Variants in ST8SIA2 observed in about 807,000 individuals in gnomAD.
The protein encoded by ST8SIA2 is ST8 alpha-N-acetyl-neuraminide alpha-2,8-sialyltransferase 2, also known as alpha-2,8-sialyltransferase 8B.
ST8SIA2 carries 22 observed loss-of-function variants against 37.6 expected under a neutral mutation model. The ratio of observed to expected loss-of-function variants is 0.58; its 90% CI spans 0.42 to 0.83. The LOEUF is 0.83. Among genes scored for constraint, ST8SIA2 ranks in the 40% least tolerant of loss-of-function variants. The probability of loss-of-function intolerance (pLI) is 0.00; values close to 1 mark genes in which losing one functional copy is unlikely to be tolerated. For missense variants in ST8SIA2, 382 were observed against 484.7 expected (o/e 0.79, Z 1.99); for synonymous variants, 205 against 201.2 (o/e 1.02, Z -0.16).
At chr15:92,438,993 T>C (rs1004134898) in intron 4 of ST8SIA2, among the ~76,000 whole-genome samples, 1 of 152,206 alleles carries the variant, frequency 6.6e-6, no homozygotes, top group Admixed American at 6.5e-5. Flanking sequence ...TTGATGGCTG[T>C]TGTCTCACTA....
At chr15:92,421,776 G>A (rs1382991692) in intron 1 of ST8SIA2, among the ~76,000 whole-genome samples, 1 of 152,200 alleles carries the variant, frequency 6.6e-6, no homozygotes, top group Non-Finnish European at 1.5e-5. Context: ...ACATTCTGGT[G>A]TGTTCACAAG....
rs1019265492 is a variant in ST8SIA2 at position 92,439,204 on chromosome 15, T to C, written c.548+594T>C. ...GGGCTGGCCAGTTGTTGGTTCAAGT[T>C]TGCAAAACTCTTTGTAAGTGTCTTG... On this transcript the variant is annotated intron_variant, in intron 4 of 5. Coordinates refer to ENST00000268164, the MANE Select transcript of ST8SIA2 (RefSeq NM_006011.4). Among the ~76,000 whole-genome samples, 25 of 92,070 alleles carry C rather than the reference T, an allele frequency of 2.7e-4. 1 individual carries two copies. The highest frequency in any genetic ancestry group is 1.1e-4 in the Admixed American group (1 of 9,518). 60.4% of individuals were successfully genotyped at this position (92,070 alleles called of 152,430 possible). A position where few individuals can be genotyped will look rare whatever the true frequency, so the allele number is the denominator to read the frequency against.
intron 5 of ST8SIA2, among the ~76,000 whole-genome samples, chr15:92,446,300 T>A (rs563723699): frequency 3.3e-5 from 5 of 152,170 alleles, no homozygotes; most frequent in African/African-American, 1.2e-4. Flanking sequence ...AGCCTTAGAG[T>A]GGTCAGACGT....
chr15:92,396,044 C>T (rs908864169), intron 1 of ST8SIA2, among the ~76,000 whole-genome samples: 6 of 152,190 alleles, frequency 3.9e-5, no homozygotes, highest in East Asian at 1.9e-4. Context: ...CATATATGTA[C>T]GCACCCCGGG....
At chr15:92,439,367 A>T (rs1345144094) in intron 4 of ST8SIA2, among the ~76,000 whole-genome samples, 1 of 152,186 alleles carries the variant, frequency 6.6e-6, no homozygotes, top group Non-Finnish European at 1.5e-5. Flanking sequence ...GTTGCCTGGG[A>T]CATTTGCACA....
At position 92,406,402 on chromosome 15, in the gene ST8SIA2, C is replaced by T. The variant is rs368723747; in HGVS notation, c.98+12240C>T. The stretch of plus-strand genomic sequence containing the variant: ...GAACCAGTGAGCTAGAGCCTTGTCA[C>T]TCGGTGTGGTCCTCAGACCAGCAAC... On this transcript the variant is annotated intron_variant, in intron 1 of 5. Transcript: ENST00000268164. Among the ~76,000 whole-genome samples the T allele has an allele frequency of 9.8e-5, 15 of 152,348 alleles. No individual in the cohort carries two copies. In the South Asian group the frequency reaches 1.5e-3, roughly 15 times the overall value.
At chr15:92,396,314 A>G (rs1596225487) in intron 1 of ST8SIA2, among the ~76,000 whole-genome samples, 1 of 152,174 alleles carries the variant, frequency 6.6e-6, no homozygotes. Flanking sequence ...TGCCCCACCC[A>G]CGGTCAGCCC....
rs756342134 is a variant in ST8SIA2 at position 92,438,408 on chromosome 15, A to G, written c.346A>G (p.Thr116Ala). The change falls in exon 4 of 6, where the codon ACC becomes GCC. Residue 116 changes from threonine (T) to alanine (A), a missense_variant. Transcript: ENST00000268164. ...AAAGGACATTTCTGTCCTAAAGGGA[A>G]CCCTGAAGCCTGGAGATATTATTCA... is the stretch of plus-strand genomic sequence containing the variant. ...AEKDISVLKG[T>A]LKPGDIIHYI... is the part of the protein sequence containing the mutation. 9 of 1,614,084 alleles carry G rather than the reference A, an allele frequency of 5.6e-6. No individual in the cohort carries two copies. The highest frequency in any genetic ancestry group is 5.5e-5 in the South Asian group (5 of 91,082).
intron 5 of ST8SIA2, among the ~76,000 whole-genome samples, chr15:92,462,464 G>C (rs1321906227): frequency 3.9e-5 from 6 of 152,192 alleles, no homozygotes; most frequent in Non-Finnish European, 8.8e-5. Flanking sequence ...AAATAAAGAA[G>C]TATTTGGGCT....
chr15:92,425,640 G>T (rs1375058208), intron 1 of ST8SIA2, among the ~76,000 whole-genome samples: 1 of 152,216 alleles, frequency 6.6e-6, no homozygotes, highest in Non-Finnish European at 1.5e-5. Flanking sequence ...GAGGCAGGAG[G>T]AGGGGGAAAC....
rs569782413 is a variant in ST8SIA2, at chr15:92,395,057, C to G, written c.98+895C>G. 6.6e-5 allele frequency among the ~76,000 whole-genome samples: 10 copies of G among 152,224 alleles called. No individual in the cohort carries two copies. The East Asian group carries it at 1.9e-3, about 30-fold the overall frequency. ...ACGCACCGGCTGTGTGTCCCAGGGG[C>G]TGAGACTCGCGCCCCGCCCCGCAGC... On this transcript the variant is annotated intron_variant, in intron 1 of 5. Coordinates refer to ENST00000268164, the MANE Select transcript of ST8SIA2 (RefSeq NM_006011.4).
chr15:92,466,099 T>C lies in ST8SIA2; in HGVS notation c.*1714T>C, dbSNP rs950529374. On this transcript the variant is annotated 3_prime_UTR_variant, in exon 6 of 6. Coordinates refer to ENST00000268164, the MANE Select transcript of ST8SIA2 (RefSeq NM_006011.4). ...TAAATTAATGGTTGACCGGAAGGGA[T>C]TGGAGGCGGCAGAACCATTAACCCT... The C allele has an allele frequency of 6.6e-6, 1 of 152,106 alleles. No individual in the cohort carries two copies. Among genetic ancestry groups the C allele is most frequent in the African/African-American group, 2.4e-5 (1 of 41,426 alleles). 9.4% of individuals were successfully genotyped at this position (152,106 alleles called of 1,614,324 possible).
At chr15:92,444,366 C>T (rs2049825000) in intron 4 of ST8SIA2, among the ~76,000 whole-genome samples, 1 of 152,178 alleles carries the variant, frequency 6.6e-6, no homozygotes, top group South Asian at 2.1e-4. Context: ...CTTCTTTCCT[C>T]CTCTCCTAGA....
chr15:92,397,202 G>T (rs1456498071), intron 1 of ST8SIA2, among the ~76,000 whole-genome samples: 2 of 152,184 alleles, frequency 1.3e-5, no homozygotes, highest in Non-Finnish European at 2.9e-5. Flanking sequence ...AGTGAAAGAA[G>T]AAAGTGAATT....
intron 1 of ST8SIA2, among the ~76,000 whole-genome samples, chr15:92,412,049 C>T (rs1242593254): frequency 6.6e-6 from 1 of 151,988 alleles, no homozygotes; most frequent in Admixed American, 6.5e-5. Context: ...GCCAGGTTGT[C>T]GGCAGATCCC....
chr15:92,464,073 T>TC (rs1491118790), intron 5 of ST8SIA2, 27 bp from the exon 6 acceptor site: 2 of 406,274 alleles, frequency 4.9e-6, no homozygotes, highest in Non-Finnish European at 6.8e-6. Context: ...GTTTCTTTTC[T>TC]TTTTTTTTTT....
At chr15:92,425,857 G>A (rs972866879) in intron 1 of ST8SIA2, among the ~76,000 whole-genome samples, 1 of 152,186 alleles carries the variant, frequency 6.6e-6, no homozygotes, top group African/African-American at 2.4e-5. Flanking sequence ...CCCAGTAAAT[G>A]AGACAGTAGG....
At chr15:92,410,665 A>G (rs541300680) in intron 1 of ST8SIA2, among the ~76,000 whole-genome samples, 1 of 152,344 alleles carries the variant, frequency 6.6e-6, no homozygotes, top group Non-Finnish European at 1.5e-5. Flanking sequence ...ATTCATTATC[A>G]CCAACAAACA....
chr15:92,401,288 G>A (rs1397489439), intron 1 of ST8SIA2, among the ~76,000 whole-genome samples: 1 of 152,208 alleles, frequency 6.6e-6, no homozygotes, highest in Non-Finnish European at 1.5e-5. Context: ...GACCGCCCCT[G>A]GGCTTGCTTA....
Sources: gnomAD v4.1 joint callset for allele counts (sites outside exome capture counted in the v4.1 genomes callset) on GRCh38, gnomAD v4.1.1 for gene constraint, MANE v1.5 for transcripts, NCBI Gene and HGNC (gene_info 2026-07-23, HGNC 2026-07-21) for gene names.